NAALADL2: variants seen among roughly 807,000 people sequenced by gnomAD.
NAALADL2 encodes the protein inactive N-acetylated-alpha-linked acidic dipeptidase-like protein 2.
NAALADL2 carries 76 observed loss-of-function variants against 87.2 expected under a neutral mutation model. The observed-to-expected ratio is 0.87, with a 90% CI of 0.72 to 1.05. The LOEUF (loss-of-function observed/expected upper bound fraction) is 1.05. NAALADL2 is among the 50% of genes least tolerant of loss of function. The probability of loss-of-function intolerance (pLI) is 0.00; values close to 1 mark genes in which losing one functional copy is unlikely to be tolerated. For synonymous variants in NAALADL2, 354 were observed against 331.0 expected (o/e 1.07, Z -0.75); for missense variants, 1,089 against 945.8 (o/e 1.15, Z -1.99).
At chr3:175,220,964 A>T (rs1743266673) in intron 2 of NAALADL2, among the ~76,000 whole-genome samples, 1 of 152,120 alleles carries the variant, frequency 6.6e-6, no homozygotes, top group Admixed American at 6.6e-5. Flanking sequence ...TGGGAGGCTG[A>T]GGTGGGCAGA....
chr3:175,386,088 G>C (rs1768344079), intron 5 of NAALADL2, among the ~76,000 whole-genome samples: 1 of 152,028 alleles, frequency 6.6e-6, no homozygotes, highest in African/African-American at 2.4e-5. Flanking sequence ...GATTATCTGG[G>C]AGGCGATTCT....
intron 4 of NAALADL2, among the ~76,000 whole-genome samples, chr3:175,263,281 A>G (rs1751391151): frequency 6.6e-6 from 1 of 152,002 alleles, no homozygotes; most frequent in African/African-American, 2.4e-5. Context: ...GTTATAATAT[A>G]AAGACTTAAG....
intron 11 of NAALADL2, among the ~76,000 whole-genome samples, chr3:175,673,279 T>C (rs1048824416): frequency 1.3e-5 from 2 of 152,182 alleles, no homozygotes; most frequent in African/African-American, 2.4e-5. Context: ...TGATTTTCAA[T>C]TGGACATTGC....
At chr3:175,379,106 A>G (rs1767487272) in intron 5 of NAALADL2, among the ~76,000 whole-genome samples, 1 of 151,918 alleles carries the variant, frequency 6.6e-6, no homozygotes, top group African/African-American at 2.4e-5. Context: ...AATTTTGTGG[A>G]CAGATTGCCT....
rs549785853 is a variant in NAALADL2, at chr3:175,012,635, G to T, written c.44-84155G>T. Among the ~76,000 whole-genome samples the T allele has an allele frequency of 5.7e-4, 86 of 151,886 alleles. 1 individual carries two copies. The highest frequency in any genetic ancestry group is 1.8e-3 in the African/African-American group (75 of 41,396). ...AATTACAGCCCTCAGGCCAAATCTG[G>T]CCCACCACCTGTTTTTGTAAGTAAA... On this transcript the variant is annotated intron_variant, in intron 1 of 13. Transcript: ENST00000454872.
chr3:174,634,981 T>A (rs1722488690), intron 2 of NAALADL2, among the ~76,000 whole-genome samples: 1 of 152,228 alleles, frequency 6.6e-6, no homozygotes, highest in African/African-American at 2.4e-5. Context: ...TGTACTGTTT[T>A]GGGTTTCTCC....
rs2108817064 is a variant in NAALADL2 at position 174,677,565 on chromosome 3, T to C, written c.-114-60076T>C. On this transcript the variant is annotated intron_variant, in intron 2 of 3. Coordinates refer to the NAALADL2 transcript ENST00000434257. ...AAGAGAACACTGAATCTGTGAATAG[T>C]AAATCATTGTGCCTAGAAGAAATAC... Among the ~76,000 whole-genome samples the C allele has an allele frequency of 3.9e-5, 6 of 152,258 alleles. No homozygotes were observed. The Middle Eastern group carries it at 0.017, about 432-fold the overall frequency.
intron 2 of NAALADL2, among the ~76,000 whole-genome samples, chr3:174,616,058 G>C (rs535952625): frequency 6.6e-6 from 1 of 151,818 alleles, no homozygotes; most frequent in Non-Finnish European, 1.5e-5. Flanking sequence ...AATATAAGGG[G>C]ACTAGTTTTC....
intron 13 of NAALADL2, among the ~76,000 whole-genome samples, chr3:175,786,443 ATTCAT>A (rs1362742618): frequency 2.0e-5 from 3 of 151,762 alleles, no homozygotes; most frequent in Non-Finnish European, 4.4e-5. Flanking sequence ...CCTTCATTTC[ATTCAT>A]TTCATCTTCC....
chr3:175,598,006 T>C (rs1276602120), intron 10 of NAALADL2, among the ~76,000 whole-genome samples: 1 of 152,046 alleles, frequency 6.6e-6, no homozygotes, highest in Admixed American at 6.6e-5. Flanking sequence ...TCTGGGTATT[T>C]ATATACATAT....
At chr3:174,830,579 T>C (rs1314824213) in intron 3 of NAALADL2, among the ~76,000 whole-genome samples, 1 of 151,890 alleles carries the variant, frequency 6.6e-6, no homozygotes, top group East Asian at 1.9e-4. Flanking sequence ...TGGCTTAGGA[T>C]TGACTTGGCG....
At chr3:175,634,564 T>G (rs2149737935) in intron 11 of NAALADL2, among the ~76,000 whole-genome samples, 1 of 151,994 alleles carries the variant, frequency 6.6e-6, no homozygotes, top group Non-Finnish European at 1.5e-5. Context: ...ACCTTTTATT[T>G]AGTTTCTGAG....
chr3:174,452,814 CA>C (rs1715574642), intron 1 of NAALADL2, among the ~76,000 whole-genome samples: 1 of 151,850 alleles, frequency 6.6e-6, no homozygotes, highest in Non-Finnish European at 1.5e-5. Flanking sequence ...GAAGGAACAT[CA>C]GCCCACAAGG....
At chr3:174,727,911 A>C (rs528664345) in intron 2 of NAALADL2, among the ~76,000 whole-genome samples, 1 of 152,264 alleles carries the variant, frequency 6.6e-6, no homozygotes, top group African/African-American at 2.4e-5. Flanking sequence ...GTGAGCAATA[A>C]TCTTTTCACT....
At chr3:174,581,703 A>G (rs1286366574) in intron 2 of NAALADL2, among the ~76,000 whole-genome samples, 1 of 152,164 alleles carries the variant, frequency 6.6e-6, no homozygotes, top group Non-Finnish European at 1.5e-5. Context: ...CAGGCATATG[A>G]TAGGATTATA....
At chr3:175,085,662 C>T (rs1419913213) in intron 1 of NAALADL2, among the ~76,000 whole-genome samples, 4 of 152,074 alleles carry the variant, frequency 2.6e-5, no homozygotes, top group Admixed American at 6.5e-5. Context: ...CGGTGGCTCA[C>T]GCCTGTAATC....
chr3:174,686,327 A>T (rs979257986), intron 2 of NAALADL2, among the ~76,000 whole-genome samples: 2 of 152,058 alleles, frequency 1.3e-5, no homozygotes, highest in African/African-American at 4.8e-5. Context: ...CCTTGGCAGC[A>T]TCTGTTATTT....
intron 11 of NAALADL2, among the ~76,000 whole-genome samples, chr3:175,680,482 G>A (rs956262412): frequency 6.6e-6 from 1 of 152,126 alleles, no homozygotes; most frequent in African/African-American, 2.4e-5. Context: ...CCATGTTAAA[G>A]GAGAACAAAT....
chr3:175,353,408 A>G (rs1764000501), intron 5 of NAALADL2, among the ~76,000 whole-genome samples: 1 of 152,204 alleles, frequency 6.6e-6, no homozygotes, highest in South Asian at 2.1e-4. Flanking sequence ...TATTTAATGT[A>G]TTCTCTCATC....
Sources: allele counts gnomAD v4.1 joint callset (sites outside exome capture counted in the v4.1 genomes callset), GRCh38; gene constraint gnomAD v4.1.1; transcripts MANE v1.5; gene names NCBI Gene and HGNC (gene_info 2026-07-23, HGNC 2026-07-21).